ARPC2: variants seen among roughly 807,000 people sequenced by gnomAD.
ARPC2 encodes actin related protein 2/3 complex subunit 2, also known as actin-related protein 2/3 complex subunit 2.
In ARPC2, 4 loss-of-function variants were observed where a neutral mutation model predicts 38.6. The observed-to-expected ratio is 0.10, with a 90% CI of 0.05 to 0.24. The LOEUF is 0.24. Ranked by LOEUF, ARPC2 falls within the 10% of genes least tolerant of loss-of-function variation. The pLI, the probability that ARPC2 is intolerant of heterozygous loss-of-function variation, is 1.00. For synonymous variants in ARPC2, 125 were observed against 140.8 expected (o/e 0.89, Z 0.79); for missense variants, 229 against 387.3 (o/e 0.59, Z 3.43).
intron 5 of ARPC2, chr2:218,234,746 C>T (rs1574583958): frequency 2.1e-6 from 1 of 470,486 alleles, no homozygotes; most frequent in Non-Finnish European, 4.2e-6. Context: ...ACCCTCGGCC[C>T]TTAGTAATTC....
At chr2:218,251,572 G>GC (rs1372391159) in intron 10 of ARPC2, among the ~76,000 whole-genome samples, 4 of 151,994 alleles carry the variant, frequency 2.6e-5, no homozygotes, top group African/African-American at 7.3e-5. Flanking sequence ...TCCCATCTCA[G>GC]CCCCCCAAGT....
At chr2:218,241,546 T>C (rs1689917207) in intron 7 of ARPC2, among the ~76,000 whole-genome samples, 1 of 152,232 alleles carries the variant, frequency 6.6e-6, no homozygotes, top group Admixed American at 6.5e-5. Flanking sequence ...TTTTAAAAGC[T>C]CTGAAGTATA....
intron 2 of ARPC2, among the ~76,000 whole-genome samples, chr2:218,225,595 G>T (rs1486992924): frequency 6.6e-6 from 1 of 152,188 alleles, no homozygotes; most frequent in Non-Finnish European, 1.5e-5. Flanking sequence ...CCAAAAGATG[G>T]CATTTTGTGG....
intron 8 of ARPC2, among the ~76,000 whole-genome samples, chr2:218,247,148 G>T (rs1344932605): frequency 1.3e-5 from 2 of 152,138 alleles, no homozygotes; most frequent in Non-Finnish European, 2.9e-5. Context: ...GTTAAGAAGA[G>T]AACCACCTAA....
intron 5 of ARPC2, chr2:218,236,153 C>T (rs934673471): frequency 1.3e-5 from 2 of 151,592 alleles, no homozygotes; most frequent in Admixed American, 6.6e-5. Context: ...TATCTAGGCA[C>T]GTTTGGAAAA....
At position 218,249,798 on chromosome 2, in the gene ARPC2, G is replaced by A. The variant is rs80211478; in HGVS notation, c.778-23G>A. On this transcript the variant is annotated intron_variant, in intron 9 of 10. Transcript: ENST00000315717. The stretch of plus-strand genomic sequence containing the variant: ...CTTTCTAGACCATGACTGTGCTTTA[G>A]TACCTGTTATGTTTGTTCCCAGGCC... 5.0e-6 allele frequency: 8 copies of A among 1,596,794 alleles called. No individual in the cohort carries two copies. The East Asian group carries it at 1.8e-4, about 36-fold the overall frequency.
At chr2:218,222,639 G>A (rs1055610884) in intron 2 of ARPC2, among the ~76,000 whole-genome samples, 1 of 151,988 alleles carries the variant, frequency 6.6e-6, no homozygotes, top group Non-Finnish European at 1.5e-5. Context: ...GGGAATTACC[G>A]CAATCCTAAA....
At chr2:218,222,586 G>GCTAT (rs1290476272) in intron 2 of ARPC2, among the ~76,000 whole-genome samples, 7 of 152,156 alleles carry the variant, frequency 4.6e-5, no homozygotes, top group African/African-American at 1.7e-4. Context: ...GACACTTATA[G>GCTAT]GAGTTCTGTT....
chr2:218,245,319 G>A, intron 7 of ARPC2, 101 bp from the exon 8 acceptor site: 3 of 1,460,674 alleles, frequency 2.1e-6, no homozygotes, highest in Non-Finnish European at 2.8e-6. Flanking sequence ...CTGGTCTGGA[G>A]GGCTACAAAG....
intron 10 of ARPC2, among the ~76,000 whole-genome samples, chr2:218,250,844 G>A (rs1282142717): frequency 2.6e-5 from 4 of 151,978 alleles, no homozygotes; most frequent in Non-Finnish European, 5.9e-5. Flanking sequence ...TTCATTTGCT[G>A]GTTTTTGTTT....
Position 218,253,402 on chromosome 2 carries a change from C to G in ARPC2, c.879-489C>G, listed in dbSNP as rs542402713. Reference sequence around the variant, plus strand: ...CAGAGGAGGAGTCACCACGTGATAGCAGAAATACCTTTAGCCTTGGAAGTT... The same window carrying G: ...CAGAGGAGGAGTCACCACGTGATAGGAGAAATACCTTTAGCCTTGGAAGTT... On this transcript the variant is annotated intron_variant, in intron 10 of 10. Coordinates refer to ENST00000315717, the MANE Select transcript of ARPC2 (RefSeq NM_152862.3). 2.0e-5 allele frequency among the ~76,000 whole-genome samples: 3 copies of G among 152,326 alleles called. No individual in the cohort carries two copies. In the East Asian group the frequency reaches 5.8e-4, roughly 29 times the overall value.
chr2:218,229,067 T>G (rs911486858), intron 4 of ARPC2: 1 of 396,598 alleles, frequency 2.5e-6, no homozygotes, highest in South Asian at 2.9e-5. Context: ...AAAAATAGCT[T>G]TAGTTCTCCA....
At chr2:218,229,824 A>G (rs1271339242) in intron 4 of ARPC2, among the ~76,000 whole-genome samples, 1 of 152,240 alleles carries the variant, frequency 6.6e-6, no homozygotes, top group Non-Finnish European at 1.5e-5. Flanking sequence ...TGGAATCCAG[A>G]TTAGTTTACT....
intron 7 of ARPC2, among the ~76,000 whole-genome samples, chr2:218,240,476 TATAGCCA>T (rs1689886579): frequency 6.6e-6 from 1 of 152,188 alleles, no homozygotes; most frequent in South Asian, 2.1e-4. Context: ...GAATGGACTG[TATAGCCA>T]ATTATTTGGT....
chr2:218,249,995 C>A, intron 10 of ARPC2, 74 bp downstream of exon 10: 1 of 1,308,308 alleles, frequency 7.6e-7, no homozygotes, highest in Non-Finnish European at 1.1e-6. Flanking sequence ...GCGCTGGTGG[C>A]CTGGTCCTCC....
chr2:218,249,573 G>A (rs1053872232), intron 9 of ARPC2, 109 bp downstream of exon 9: 3 of 912,696 alleles, frequency 3.3e-6, no homozygotes, highest in African/African-American at 1.7e-5. Context: ...TTGACTCTTA[G>A]GTAAATAATT....
At chr2:218,232,274 G>A (rs1689651914) in intron 4 of ARPC2, among the ~76,000 whole-genome samples, 1 of 152,116 alleles carries the variant, frequency 6.6e-6, no homozygotes, top group Non-Finnish European at 1.5e-5. Flanking sequence ...AAAATAAAAT[G>A]TTTGTTTCTT....
intron 2 of ARPC2, among the ~76,000 whole-genome samples, chr2:218,222,624 A>G (rs1689408846): frequency 6.6e-6 from 1 of 152,108 alleles, no homozygotes; most frequent in African/African-American, 2.4e-5. Flanking sequence ...CCAATTCCTG[A>G]TTCAGGGAAT....
chr2:218,217,414 TC>T, intron 1 of ARPC2, 48 bp from the exon 2 acceptor site: 1 of 1,580,376 alleles, frequency 6.3e-7, no homozygotes, highest in African/African-American at 1.4e-5. Flanking sequence ...CGTCCTTGCC[TC>T]CCTTACCCAC....
Sources: gnomAD v4.1 joint callset for allele counts (sites outside exome capture counted in the v4.1 genomes callset) on GRCh38, gnomAD v4.1.1 for gene constraint, MANE v1.5 for transcripts, NCBI Gene and HGNC (gene_info 2026-07-23, HGNC 2026-07-21) for gene names.